PRKCQ: variants seen among roughly 807,000 people sequenced by gnomAD.
The protein encoded by PRKCQ is protein kinase C theta.
Under a neutral mutation model 91.2 loss-of-function variants are expected in PRKCQ, and 41 were observed. That is an observed-to-expected ratio of 0.45 (90% CI 0.35 to 0.58). The LOEUF (loss-of-function observed/expected upper bound fraction) is 0.58, where lower values mean the gene tolerates loss of function less well. PRKCQ is among the 20% of genes least tolerant of loss of function. The probability of loss-of-function intolerance (pLI) is 0.00; values close to 1 mark genes in which losing one functional copy is unlikely to be tolerated. For missense variants in PRKCQ, 673 were observed against 896.5 expected, an observed-to-expected ratio of 0.75 and a Z score of 3.18; for synonymous variants, 307 against 316.9, an observed-to-expected ratio of 0.97 and a Z score of 0.33.
In PRKCQ at chr10:6,441,983, C is replaced by T; in HGVS notation, c.1746G>A (p.Gln582=). ...MLIGQSPFHG[Q]DEEELFHSIR... ...TGGAGTGGAAGAGCTCCTCCTCATC[C>T]TGCCCGTGGAAAGGCGACTGACCAA... The change falls in exon 16 of 18, where the codon CAG becomes CAA. Residue 582 remains glutamine (Q), a synonymous_variant. Transcript: ENST00000263125. 1 of 1,614,154 alleles carries T rather than the reference C, an allele frequency of 6.2e-7. No homozygotes were observed. The highest frequency in any genetic ancestry group is 8.5e-7 in the Non-Finnish European group (1 of 1,180,030).
chr10:6,525,989 G>A (rs1169490402), intron 1 of PRKCQ, among the ~76,000 whole-genome samples: 1 of 152,078 alleles, frequency 6.6e-6, no homozygotes, highest in African/African-American at 2.4e-5. Context: ...ATTATTTTGG[G>A]AACTGAATGA....
chr10:6,469,102 G>T (rs930648677), intron 12 of PRKCQ, among the ~76,000 whole-genome samples: 1 of 152,168 alleles, frequency 6.6e-6, no homozygotes, highest in African/African-American at 2.4e-5. Context: ...TCAGAAAAAG[G>T]ACAGCCCCAA....
the PRKCQ span, among the ~76,000 whole-genome samples, chr10:6,419,291 T>C: frequency 6.6e-6 from 1 of 152,234 alleles, no homozygotes; most frequent in Admixed American, 6.5e-5. Flanking sequence ...TAAGTGTTTG[T>C]GTATTCAAAG....
At chr10:6,526,786 T>C (rs1839214774) in intron 1 of PRKCQ, among the ~76,000 whole-genome samples, 2 of 152,158 alleles carry the variant, frequency 1.3e-5, no homozygotes, top group Non-Finnish European at 1.5e-5. Flanking sequence ...ACGTGCTGTC[T>C]TCAGCTTTGA....
At chr10:6,558,317 T>C (rs1840498895) in intron 1 of PRKCQ, among the ~76,000 whole-genome samples, 1 of 152,206 alleles carries the variant, frequency 6.6e-6, no homozygotes, top group Admixed American at 6.5e-5. Context: ...AAAAGAACTC[T>C]AAAGAAAACA....
At chr10:6,490,680 G>T (rs1011324821) in intron 8 of PRKCQ, among the ~76,000 whole-genome samples, 2 of 152,014 alleles carry the variant, frequency 1.3e-5, no homozygotes, top group Non-Finnish European at 2.9e-5. Flanking sequence ...AAGAAGTCAA[G>T]TCTGCAGTGA....
chr10:6,561,528 C>T (rs1036546159), intron 1 of PRKCQ, among the ~76,000 whole-genome samples: 1 of 152,110 alleles, frequency 6.6e-6, no homozygotes, highest in Non-Finnish European at 1.5e-5. Flanking sequence ...TTGACGTGAA[C>T]CTACAATTGA....
intron 10 of PRKCQ, among the ~76,000 whole-genome samples, chr10:6,484,053 G>C (rs995972772): frequency 6.6e-6 from 1 of 152,218 alleles, no homozygotes; most frequent in Non-Finnish European, 1.5e-5. Flanking sequence ...AGAGAGACAG[G>C]AAATGAAATC....
At chr10:6,569,363 C>T (rs1430576734) in intron 1 of PRKCQ, among the ~76,000 whole-genome samples, 1 of 151,780 alleles carries the variant, frequency 6.6e-6, no homozygotes, top group Non-Finnish European at 1.5e-5. Flanking sequence ...CAGACGTCCA[C>T]GAGATGAGGG....
chr10:6,579,967 C>T (rs906618093), intron 1 of PRKCQ, among the ~76,000 whole-genome samples: 9 of 152,120 alleles, frequency 5.9e-5, no homozygotes, highest in Admixed American at 5.9e-4. Context: ...CGGCGGCCCC[C>T]ACCCGGCTAA....
chr10:6,439,332 A>AGTTT (rs1206910962), intron 16 of PRKCQ, among the ~76,000 whole-genome samples: 1 of 152,174 alleles, frequency 6.6e-6, no homozygotes, highest in Admixed American at 6.5e-5. Flanking sequence ...GTACTCTCAG[A>AGTTT]GTTTGTTAGA....
intron 10 of PRKCQ, among the ~76,000 whole-genome samples, chr10:6,484,520 A>T (rs751732368): frequency 6.6e-6 from 1 of 152,182 alleles, no homozygotes. Context: ...TTTCATTTAC[A>T]TTTTTAAGTT....
intron 16 of PRKCQ, among the ~76,000 whole-genome samples, chr10:6,438,984 ATTC>A (rs1329562298): frequency 1.3e-5 from 2 of 152,196 alleles, no homozygotes; most frequent in Non-Finnish European, 2.9e-5. Context: ...GGTCCTTATT[ATTC>A]TTCTATGTAT....
chr10:6,548,481 C>G (rs1337149925), intron 1 of PRKCQ, among the ~76,000 whole-genome samples: 1 of 149,672 alleles, frequency 6.7e-6, no homozygotes, highest in Admixed American at 6.7e-5. Context: ...TTGGAACCAA[C>G]CCAAATGTCC....
intron 1 of PRKCQ, among the ~76,000 whole-genome samples, chr10:6,544,642 G>A (rs1011014248): frequency 2.3e-5 from 2 of 87,296 alleles, no homozygotes; most frequent in Non-Finnish European, 4.7e-5. Context: ...TTTTTTTTTT[G>A]AGGAGTCTCT....
rs535028615 is a variant in PRKCQ, at chr10:6,449,942, A to G, written c.1647+6732T>C. Among the ~76,000 whole-genome samples, 10 of 152,356 alleles carry G rather than the reference A, an allele frequency of 6.6e-5. No homozygotes were observed. In the East Asian group the frequency reaches 1.9e-3, roughly 29 times the overall value. ...AGAGCTCCTGAAGGAAGCACTAAAC[A>G]TGGAAAGGCACAACTGGTACCAGCT... On this transcript the variant is annotated intron_variant, in intron 15 of 17. Transcript: ENST00000263125.
At chr10:6,490,956 C>G (rs944308018) in intron 8 of PRKCQ, among the ~76,000 whole-genome samples, 1 of 151,824 alleles carries the variant, frequency 6.6e-6, no homozygotes, top group Non-Finnish European at 1.5e-5. Flanking sequence ...TAAACGTTAT[C>G]GCCTTAGCAA....
chr10:6,458,394 G>T (rs1234589906), intron 14 of PRKCQ, among the ~76,000 whole-genome samples: 2 of 152,122 alleles, frequency 1.3e-5, no homozygotes, highest in Middle Eastern at 3.2e-3. Flanking sequence ...GTATTCTGAG[G>T]CATGTCATGC....
chr10:6,463,665 A>G (rs755093146), intron 13 of PRKCQ, among the ~76,000 whole-genome samples: 5 of 152,198 alleles, frequency 3.3e-5, no homozygotes, highest in Non-Finnish European at 7.3e-5. Flanking sequence ...TTGAGCGCTG[A>G]GCAAAGGAAG....
Sources: gnomAD v4.1 joint callset for allele counts (sites outside exome capture counted in the v4.1 genomes callset) on GRCh38, gnomAD v4.1.1 for gene constraint, MANE v1.5 for transcripts, NCBI Gene and HGNC (gene_info 2026-07-23, HGNC 2026-07-21) for gene names.